PDE6A: variants seen among roughly 807,000 people sequenced by gnomAD.
PDE6A encodes phosphodiesterase 6A, also known as rod cGMP-specific 3',5'-cyclic phosphodiesterase subunit alpha.
In PDE6A, 84 loss-of-function variants were observed where a neutral mutation model predicts 106.3. The ratio of observed to expected loss-of-function variants is 0.79; its 90% CI spans 0.66 to 0.95. PDE6A has a LOEUF of 0.95. PDE6A is among the 40% of genes least tolerant of loss of function. The probability of loss-of-function intolerance (pLI) is 0.00; values close to 1 mark genes in which losing one functional copy is unlikely to be tolerated. For synonymous variants in PDE6A, 394 were observed against 386.6 expected (o/e 1.02, Z -0.23); for missense variants, 1,052 against 1,084.9 (o/e 0.97, Z 0.43).
At chr5:149,866,146 C>T (rs755270180) in intron 20 of PDE6A, 24 bp downstream of exon 20, 33 of 1,552,994 alleles carry the variant, frequency 2.1e-5, no homozygotes, top group South Asian at 5.6e-5. Context: ...CATCTTGTTG[C>T]GGCTGAGGAA....
chr5:149,878,596 C>A (rs981203734), intron 17 of PDE6A, among the ~76,000 whole-genome samples: 1 of 152,202 alleles, frequency 6.6e-6, no homozygotes, highest in Non-Finnish European at 1.5e-5. Flanking sequence ...GTTGCCAAAT[C>A]GCCCTCTGCA....
Position 149,944,595 on chromosome 5 carries a change from G to A in PDE6A, c.79C>T (p.His27Tyr), listed in dbSNP as rs1276657868. 3 of 1,614,050 alleles carry A rather than the reference G, an allele frequency of 1.9e-6. No homozygotes were observed. The highest frequency in any genetic ancestry group is 8.5e-7 in the Non-Finnish European group (1 of 1,179,994). Reference protein sequence around the residue: ...IGFAKQYYNLHYRAKLISDLL... With the variant: ...IGFAKQYYNLYYRAKLISDLL... ...TCGGAGATGAGCTTGGCCCGGTAGT[G>A]GAGGTTGTAGTACTGTTTGGCAAAG... Residue 27 changes from histidine (H) to tyrosine (Y), a missense_variant, in exon 1 of 22, where the codon CAC (histidine) becomes TAC (tyrosine). Around this residue, in one of 3 missense-constraint regions of PDE6A, gnomAD observed 913 missense variants for 915.2 expected, o/e 1.00. Transcript: ENST00000255266.
chr5:149,862,584 C>T (rs1461770763), intron 21 of PDE6A, among the ~76,000 whole-genome samples: 9 of 152,194 alleles, frequency 5.9e-5, no homozygotes, highest in Non-Finnish European at 4.4e-5. Context: ...CATGGTGAAA[C>T]GCCATCTCTA....
At chr5:149,900,901 C>A (rs903379576) in intron 8 of PDE6A, among the ~76,000 whole-genome samples, 1 of 151,980 alleles carries the variant, frequency 6.6e-6, no homozygotes, top group South Asian at 2.1e-4. Context: ...GCAAAGAAAT[C>A]ATTGATTCAA....
At chr5:149,884,751 G>C in intron 15 of PDE6A, 29 bp downstream of exon 15, 3 of 1,591,144 alleles carry the variant, frequency 1.9e-6, no homozygotes, top group Non-Finnish European at 2.6e-6. Context: ...CAGGCCCCGC[G>C]GCCTGTAGAC....
chr5:149,923,567 ACATAACAT>A (rs1356161244), intron 4 of PDE6A, among the ~76,000 whole-genome samples: 17 of 83,798 alleles, frequency 2.0e-4, no homozygotes, highest in African/African-American at 1.2e-3. Flanking sequence ...ACATAACATA[ACATAACAT>A]AACAAACAAC....
At chr5:149,909,188 T>C (rs1753294698) in intron 6 of PDE6A, among the ~76,000 whole-genome samples, 3 of 152,070 alleles carry the variant, frequency 2.0e-5, no homozygotes, top group Admixed American at 2.0e-4. Context: ...TGAGACAGGG[T>C]CTCACTCTGT....
intron 6 of PDE6A, among the ~76,000 whole-genome samples, chr5:149,909,644 T>C (rs1029054126): frequency 7.2e-5 from 11 of 152,244 alleles, no homozygotes; most frequent in Admixed American, 2.6e-4. Context: ...GATGGATGCA[T>C]AGCTCATTAC....
At position 149,944,665 on chromosome 5, in the gene PDE6A, C is replaced by T. The variant is rs770411090; in HGVS notation, c.9G>A (p.Glu3=). MG[E]VTAEEVEKFL... is the part of the protein sequence containing the mutation. ...ACTTCTCCACCTCCTCTGCTGTCAC[C>T]TCGCCCATGGCTGGGAATCCCACTG... is the stretch of plus-strand genomic sequence containing the variant. Residue 3 remains glutamate, a synonymous_variant, in exon 1 of 22, where the codon GAG becomes GAA. Coordinates refer to ENST00000255266, the MANE Select transcript of PDE6A (RefSeq NM_000440.3). The T allele has an allele frequency of 4.4e-6, 7 of 1,607,252 alleles. No homozygotes were observed. The East Asian group carries it at 1.1e-4, about 26-fold the overall frequency.
chr5:149,907,331 T>C lies in PDE6A; in HGVS notation c.1046A>G (p.Tyr349Cys). The change falls in exon 7 of 22, where the codon TAT becomes TGT. Residue 349 changes from tyrosine to cysteine, a missense_variant. Physicochemically the swap from Tyr to Cys is radical, Grantham distance 194 (BLOSUM62 -2). This residue lies in a region of PDE6A where 913 missense variants were observed against 915.2 expected (regional missense o/e 1.00). Transcript: ENST00000255266. ...ACTTACCAGGCCATTCTGGGCAACA[T>C]AAGCTGGGAGACCGCTTACTAAAGC... Reference protein sequence around the residue: ...HWALVSGLPAYVAQNGLICNI... With the variant: ...HWALVSGLPACVAQNGLICNI... 6.2e-7 allele frequency: 1 copy of C among 1,613,940 alleles called. No individual in the cohort carries two copies. Among genetic ancestry groups the C allele is most frequent in the Non-Finnish European group, 8.5e-7 (1 of 1,179,818 alleles).
intron 17 of PDE6A, among the ~76,000 whole-genome samples, chr5:149,870,855 AAGAAAG>A (rs200812534): frequency 0.011 from 1,584 of 148,170 alleles, 23 homozygotes; most frequent in African/African-American, 0.04. Context: ...AAGAAGAAGA[AAGAAAG>A]AGAAAGAGAA....
chr5:149,860,666 A>T lies in PDE6A; in HGVS notation c.*229T>A. ...TTTTTTTTGGCGATTTTTTTTTTTA[A>T]GTTCAACAGCTATCATTAGTGTTAC... On this transcript the variant is annotated 3_prime_UTR_variant, in exon 22 of 22. Coordinates refer to ENST00000255266, the MANE Select transcript of PDE6A (RefSeq NM_000440.3). 5.1e-6 allele frequency: 2 copies of T among 393,840 alleles called. No individual in the cohort carries two copies. Among genetic ancestry groups the T allele is most frequent in the Non-Finnish European group, 9.1e-6 (2 of 220,220 alleles). The allele number at this position is 393,840 out of a possible 1,614,324, so 24.4% of individuals were successfully genotyped here.
intron 3 of PDE6A, chr5:149,932,490 A>G (rs1754065806): frequency 1.5e-6 from 2 of 1,377,964 alleles, no homozygotes; most frequent in Non-Finnish European, 2.1e-6. Flanking sequence ...ATTTCCTGCT[A>G]CAACAATCCT....
intron 8 of PDE6A, among the ~76,000 whole-genome samples, chr5:149,903,147 T>TAAAAGAAAAAAAAAA (rs1753044020): frequency 1.1e-5 from 1 of 90,982 alleles, no homozygotes. Flanking sequence ...AGACCCTCTC[T>TAAAAGAAAAAAAAAA]AAAAAAAAAA....
In PDE6A at chr5:149,860,929, C is replaced by T. The variant is rs138315990; in HGVS notation, c.2549G>A (p.Gly850Asp). 6.2e-7 allele frequency: 1 copy of T among 1,614,064 alleles called. No individual in the cohort carries two copies. The highest frequency in any genetic ancestry group is 8.5e-7 in the Non-Finnish European group (1 of 1,179,940). Residue 850 changes from glycine (G) to aspartate (D), a missense_variant, in exon 22 of 22, where the codon GGT becomes GAT. Gly to Asp is a moderately conservative substitution (Grantham distance 94). Around this residue, in one of 3 missense-constraint regions of PDE6A, gnomAD observed 135 missense variants for 153.2 expected, o/e 0.88. Coordinates refer to ENST00000255266, the MANE Select transcript of PDE6A (RefSeq NM_000440.3). ...GCAGCAGGACTTGGATGTAGTTGCA[C>T]CCCCTGGGCTGGGGTTTCCCCCCGG... ...NQPGGNPSPG[G>D]ATTSKSCCIQ is the part of the protein sequence containing the mutation.
At chr5:149,936,899 A>G (rs538875569) in intron 1 of PDE6A, among the ~76,000 whole-genome samples, 1 of 152,350 alleles carries the variant, frequency 6.6e-6, no homozygotes, top group South Asian at 2.1e-4. Flanking sequence ...AGTGTCTTCC[A>G]TATGCTAGGC....
chr5:149,928,227 A>ATTTTTTT (rs1561778751), intron 4 of PDE6A, among the ~76,000 whole-genome samples: 2 of 26,492 alleles, frequency 7.5e-5, no homozygotes, highest in Non-Finnish European at 1.4e-4. Context: ...ATATATATAT[A>ATTTTTTT]TATATTTTTT....
At chr5:149,924,572 T>C (rs182303412) in intron 4 of PDE6A, among the ~76,000 whole-genome samples, 101 of 152,278 alleles carry the variant, frequency 6.6e-4, no homozygotes, top group African/African-American at 2.4e-3. Flanking sequence ...TAAATCCATA[T>C]GGACTACAAA....
intron 13 of PDE6A, among the ~76,000 whole-genome samples, chr5:149,893,388 T>C (rs1488017481): frequency 6.6e-6 from 1 of 152,208 alleles, no homozygotes; most frequent in Non-Finnish European, 1.5e-5. Flanking sequence ...GATGGCATTC[T>C]AGACAGGGAT....
Sources: gnomAD v4.1 joint callset for allele counts (sites outside exome capture counted in the v4.1 genomes callset) on GRCh38, gnomAD v4.1.1 for gene constraint, gnomAD v4.1.1 regional missense constraint, MANE v1.5 for transcripts, NCBI Gene and HGNC (gene_info 2026-07-23, HGNC 2026-07-21) for gene names.